Variants in INPP5A observed in about 807,000 individuals in gnomAD.
INPP5A encodes 43 kDa inositol polyphosphate 5-phophatase.
Under a neutral mutation model 65.2 loss-of-function variants are expected in INPP5A, and 14 were observed. The observed-to-expected ratio is 0.21, with a 90% confidence interval of 0.14 to 0.34. The LOEUF is 0.34. Among genes scored for constraint, INPP5A ranks in the 10% least tolerant of loss-of-function variants. INPP5A has a pLI of 1.00. For synonymous variants in INPP5A, 207 were observed against 208.3 expected (o/e 0.99, Z 0.05); for missense variants, 431 against 545.6 (o/e 0.79, Z 2.09).
intron 6 of INPP5A, among the ~76,000 whole-genome samples, chr10:132,699,122 A>G (rs910192256): frequency 2.0e-5 from 3 of 152,214 alleles, no homozygotes; most frequent in African/African-American, 4.8e-5. Context: ...CTCCACGCAC[A>G]GTAGTTGCGT....
Position 132,547,237 on chromosome 10 carries a change from T to A in INPP5A, c.75+9066T>A, listed in dbSNP as rs2070987156. 6.6e-6 allele frequency among the ~76,000 whole-genome samples: 1 copy of A among 152,214 alleles called. No individual in the cohort carries two copies. The highest frequency in any genetic ancestry group is 1.5e-5 in the Non-Finnish European group (1 of 68,038). On this transcript the variant is annotated intron_variant, in intron 1 of 15. Transcript: ENST00000368594. The surrounding 1 kb of genome is among the most constrained non-coding windows in gnomAD (Gnocchi z 5.5). ...TAGGAATCCCACCTTGCATGGTGGCTCAGGGTGGTCAGGGAGGGCGTGGCT... is the reference window on the plus strand; with the variant it reads ...TAGGAATCCCACCTTGCATGGTGGCACAGGGTGGTCAGGGAGGGCGTGGCT...
intron 8 of INPP5A, among the ~76,000 whole-genome samples, chr10:132,725,989 C>T (rs1024878194): frequency 5.3e-5 from 8 of 151,992 alleles, no homozygotes; most frequent in African/African-American, 1.5e-4. Flanking sequence ...AGTGCCTTGC[C>T]CTCCTCAAAA....
intron 1 of INPP5A, among the ~76,000 whole-genome samples, chr10:132,571,571 A>G (rs1391423406): frequency 6.6e-6 from 1 of 152,200 alleles, no homozygotes; most frequent in Non-Finnish European, 1.5e-5. Context: ...AGTGCAGCTG[A>G]TATTTATGTC....
chr10:132,580,740 ATGTTTTACTCTACT>A (rs1288390199), intron 1 of INPP5A, among the ~76,000 whole-genome samples: 1 of 152,218 alleles, frequency 6.6e-6, no homozygotes, highest in Non-Finnish European at 1.5e-5. Context: ...TCTATCATTA[ATGTTTTACTCTACT>A]TGTTTTAGCA....
intron 4 of INPP5A, among the ~76,000 whole-genome samples, chr10:132,666,146 C>T (rs2072798891): frequency 6.9e-6 from 1 of 145,684 alleles, no homozygotes; most frequent in South Asian, 2.3e-4. Context: ...CTGGCCTTTA[C>T]TCAGCGCTTC....
intron 9 of INPP5A, among the ~76,000 whole-genome samples, chr10:132,744,230 A>G (rs1846327551): frequency 6.6e-6 from 1 of 152,152 alleles, no homozygotes; most frequent in African/African-American, 2.4e-5. Context: ...TTGGATGAGA[A>G]AAGTTAGTTG....
chr10:132,770,867 C>T (rs565235603), intron 12 of INPP5A, among the ~76,000 whole-genome samples: 1 of 152,264 alleles, frequency 6.6e-6, no homozygotes, highest in South Asian at 2.1e-4. Context: ...GCACCCAGTG[C>T]GAGCAGCACC....
intron 4 of INPP5A, among the ~76,000 whole-genome samples, chr10:132,687,794 G>A (rs907291702): frequency 6.6e-5 from 10 of 152,334 alleles, no homozygotes; most frequent in East Asian, 1.9e-4. Context: ...GAGGCGGCAC[G>A]TGTCCCTGCT....
At chr10:132,542,712 G>A (rs560019089) in intron 1 of INPP5A, among the ~76,000 whole-genome samples, 1 of 152,250 alleles carries the variant, frequency 6.6e-6, no homozygotes, top group Non-Finnish European at 1.5e-5. Context: ...TGCTCCCTCT[G>A]TGGATCCTCC....
At chr10:132,598,210 C>T (rs1034197546) in intron 1 of INPP5A, among the ~76,000 whole-genome samples, 31 of 152,104 alleles carry the variant, frequency 2.0e-4, no homozygotes, top group East Asian at 5.8e-4. Context: ...GGCGCTGTGG[C>T]GATGGAGATT....
rs777038839 is a variant in INPP5A, at chr10:132,777,725, C to T, written c.1032C>T (p.Cys344=). The T allele has an allele frequency of 1.2e-6, 2 of 1,613,076 alleles. No individual in the cohort carries two copies. Among genetic ancestry groups the T allele is most frequent in the Non-Finnish European group, 1.7e-6 (2 of 1,180,020 alleles). ...RQGEQYMNTR[C]PAWCDRILMS... Reference sequence around the variant, plus strand: ...GTGAGCAGTACATGAACACCCGGTGCCCAGCCTGGTGTGACCGCATCCTCA... The same window carrying T: ...GTGAGCAGTACATGAACACCCGGTGTCCAGCCTGGTGTGACCGCATCCTCA... Residue 344 remains cysteine, a synonymous_variant, in exon 13 of 16, where the codon TGC becomes TGT. Coordinates refer to ENST00000368594, the MANE Select transcript of INPP5A (RefSeq NM_005539.5).
In INPP5A at chr10:132,768,442, C is replaced by T. The variant is rs1479478097; in HGVS notation, c.977+2596C>T. On this transcript the variant is annotated intron_variant, in intron 12 of 15. Coordinates refer to ENST00000368594, the MANE Select transcript of INPP5A (RefSeq NM_005539.5). ...CCCTCAGTGTTCCCAGGTGCTCACA[C>T]AGGCCTGGCTTCCTCTTCGGCATTT... Among the ~76,000 whole-genome samples the T allele has an allele frequency of 2.6e-5, 4 of 152,268 alleles. No homozygotes were observed. The East Asian group carries it at 7.7e-4, about 29-fold the overall frequency.
intron 2 of INPP5A, among the ~76,000 whole-genome samples, chr10:132,630,464 G>A (rs139778401): frequency 6.6e-6 from 1 of 151,462 alleles, no homozygotes. Context: ...GGGAAGGCAA[G>A]CTCTAGGGAA....
intron 1 of INPP5A, among the ~76,000 whole-genome samples, chr10:132,557,498 C>T (rs1009674473): frequency 6.6e-5 from 10 of 152,348 alleles, no homozygotes; most frequent in Admixed American, 3.3e-4. Context: ...AGAAAATGGC[C>T]GCTCTCAGCT....
chr10:132,578,271 C>T (rs755776980), intron 1 of INPP5A, among the ~76,000 whole-genome samples: 4 of 152,212 alleles, frequency 2.6e-5, no homozygotes, highest in Admixed American at 6.5e-5. Flanking sequence ...AGGGTCCAGG[C>T]GCTCCACCTC....
chr10:132,674,227 A>G lies in INPP5A; in HGVS notation c.307-16165A>G, dbSNP rs1331043911. On this transcript the variant is annotated intron_variant, in intron 4 of 15. Coordinates refer to ENST00000368594, the MANE Select transcript of INPP5A (RefSeq NM_005539.5). The surrounding 1 kb of genome is among the most constrained non-coding windows in gnomAD (Gnocchi z 4.4). ...CAGATTTCTTTGTCACAATTTTCCA[A>G]TCATGCTTCTTCCAAGTCCCTGACC... Among the ~76,000 whole-genome samples, 3 of 152,176 alleles carry G rather than the reference A, an allele frequency of 2.0e-5. No individual in the cohort carries two copies. The East Asian group carries it at 5.8e-4, about 29-fold the overall frequency.
chr10:132,567,323 A>C (rs1270798459), intron 1 of INPP5A, among the ~76,000 whole-genome samples: 2 of 152,182 alleles, frequency 1.3e-5, no homozygotes, highest in Non-Finnish European at 2.9e-5. Flanking sequence ...TCATTTATTA[A>C]TTTTTTGAGA....
At position 132,616,960 on chromosome 10, in the gene INPP5A, G is replaced by T. The variant is rs186622873; in HGVS notation, c.117+9004G>T. ...GCGCTGGTGGGGAGAGGCCGCCTGA[G>T]GTCCTTCGAAGCAGCCTGGGTCTGT... On this transcript the variant is annotated intron_variant, in intron 2 of 15. Transcript: ENST00000368594. This position sits in a 1 kb window ranked among gnomAD's most constrained non-coding sequence, Gnocchi z 4.9. 1.9e-3 allele frequency among the ~76,000 whole-genome samples: 283 copies of T among 152,192 alleles called. No individual in the cohort carries two copies. Among genetic ancestry groups the T allele is most frequent in the Non-Finnish European group, 3.5e-3 (235 of 67,982 alleles).
rs2070971413 is a variant in INPP5A at position 132,546,351 on chromosome 10, TGTGA to T, written c.75+8186_75+8189del. 3.3e-5 allele frequency among the ~76,000 whole-genome samples: 5 copies of T among 152,200 alleles called. 1 individual carries two copies. The South Asian group carries it at 1.0e-3, about 32-fold the overall frequency. The stretch of plus-strand genomic sequence containing the variant: ...GATGCCGCTTCTGGTTTTTCCCCGT[TGTGA>T]GTGAGAACAGCCCCACCTCCAGGAG... On this transcript the variant is annotated intron_variant, in intron 1 of 15. Transcript: ENST00000368594. This position sits in a 1 kb window ranked among gnomAD's most constrained non-coding sequence, Gnocchi z 5.7.
Sources: allele counts gnomAD v4.1 joint callset (sites outside exome capture counted in the v4.1 genomes callset), GRCh38; gene constraint gnomAD v4.1.1; non-coding constraint Gnocchi (gnomAD v3.1); transcripts MANE v1.5; gene names NCBI Gene and HGNC (gene_info 2026-07-23, HGNC 2026-07-21).